BICDL1: variants seen among roughly 807,000 people sequenced by gnomAD.
The protein encoded by BICDL1 is BICD family-like cargo adapter 1.
In BICDL1, 20 loss-of-function variants were observed where a neutral mutation model predicts 76.8. The ratio of observed to expected loss-of-function variants is 0.26; its 90% CI spans 0.18 to 0.38. The LOEUF (loss-of-function observed/expected upper bound fraction) is 0.38, where lower values mean the gene tolerates loss of function less well. BICDL1 is among the 10% of genes least tolerant of loss of function. BICDL1 has a pLI of 1.00. For synonymous variants in BICDL1, 383 were observed against 337.1 expected (o/e 1.14, Z -1.49); for missense variants, 700 against 798.6 (o/e 0.88, Z 1.49).
In BICDL1 at chr12:120,078,565, G is replaced by A. The variant is rs148179013; in HGVS notation, c.1453-2322G>A. Among the ~76,000 whole-genome samples, 848 of 152,294 alleles carry A rather than the reference G, an allele frequency of 5.6e-3. 3 individuals are homozygous for A. Among genetic ancestry groups the A allele is most frequent in the Non-Finnish European group, 8.8e-3 (596 of 68,018 alleles). ...AGTAGAGCTTACAACCACATGCATT[G>A]AGCCCTTGATATCATTTATCTCGTA... On this transcript the variant is annotated intron_variant, in intron 7 of 9. Coordinates refer to ENST00000548673, the MANE Select transcript of BICDL1 (RefSeq NM_001367886.1).
In BICDL1 at chr12:120,071,894, G is replaced by T. The variant is rs1375301480; in HGVS notation, c.1089+93G>T. On this transcript the variant is annotated intron_variant, in intron 5 of 9. Coordinates refer to ENST00000548673, the MANE Select transcript of BICDL1 (RefSeq NM_001367886.1). This position sits in a 1 kb window ranked among gnomAD's most constrained non-coding sequence, Gnocchi z 4.8. ...AGTGCTCAGCTGCCATCCTGGCAAG[G>T]CTGTGCCCCTGTGCCTGTGTCAGCC... 19 of 1,431,504 alleles carry T rather than the reference G, an allele frequency of 1.3e-5. No individual in the cohort carries two copies. The highest frequency in any genetic ancestry group is 1.7e-5 in the Non-Finnish European group (19 of 1,093,766). 88.7% of individuals were successfully genotyped at this position (1,431,504 alleles called of 1,614,324 possible).
rs1299205430 is a variant in BICDL1 at position 119,989,298 on chromosome 12, A to C, written c.-571A>C. On this transcript the variant is annotated 5_prime_UTR_variant, in exon 1 of 10. Coordinates refer to ENST00000548673, the MANE Select transcript of BICDL1 (RefSeq NM_001367886.1). ...GAGCCGCCGCCTCGGCCCCTGCAGCAGCAGCAGCCGCCGTCGCCGCCGCTG... is the reference window on the plus strand; with the variant it reads ...GAGCCGCCGCCTCGGCCCCTGCAGCCGCAGCAGCCGCCGTCGCCGCCGCTG... 6.6e-6 allele frequency among the ~76,000 whole-genome samples: 1 copy of C among 150,410 alleles called. No individual in the cohort carries two copies. The highest frequency in any genetic ancestry group is 1.5e-5 in the Non-Finnish European group (1 of 67,354).
At chr12:120,074,006 G>C (rs1873321220) in intron 6 of BICDL1, among the ~76,000 whole-genome samples, 1 of 152,102 alleles carries the variant, frequency 6.6e-6, no homozygotes, top group African/African-American at 2.4e-5. Flanking sequence ...TGCAACCTCT[G>C]CCTCCCGGGT....
At chr12:120,004,375 T>C (rs1165341844) in intron 2 of BICDL1, among the ~76,000 whole-genome samples, 1 of 152,084 alleles carries the variant, frequency 6.6e-6, no homozygotes, top group Non-Finnish European at 1.5e-5. Context: ...AGAAGCTGTT[T>C]TGGGAGCATT....
chr12:120,064,696 A>G, intron 3 of BICDL1, 37 bp from the exon 4 acceptor site: 1 of 1,568,902 alleles, frequency 6.4e-7, no homozygotes, highest in Non-Finnish European at 8.6e-7. Context: ...GCCCGGGTGT[A>G]ACTCCACACC....
intron 8 of BICDL1, among the ~76,000 whole-genome samples, chr12:120,087,314 G>GCAA (rs1362660948): frequency 6.6e-6 from 1 of 152,214 alleles, no homozygotes; most frequent in African/African-American, 2.4e-5. Flanking sequence ...GCTGTCTGGA[G>GCAA]CGGTTTCTCT....
chr12:120,093,216 G>C lies in BICDL1; in HGVS notation c.*55G>C. 6.5e-7 allele frequency: 1 copy of C among 1,543,036 alleles called. No homozygotes were observed. Among genetic ancestry groups the C allele is most frequent in the South Asian group, 1.2e-5 (1 of 83,668 alleles). On this transcript the variant is annotated 3_prime_UTR_variant, in exon 10 of 10. Transcript: ENST00000548673. Reference sequence around the variant, plus strand: ...GTGGACTGGAGGCAGCTGGAAAGGCGGTGCAGGCAAGGCCTCCCCTGCAGC... The same window carrying C: ...GTGGACTGGAGGCAGCTGGAAAGGCCGTGCAGGCAAGGCCTCCCCTGCAGC...
At chr12:120,080,119 G>C (rs900599461) in intron 7 of BICDL1, among the ~76,000 whole-genome samples, 1 of 152,250 alleles carries the variant, frequency 6.6e-6, no homozygotes, top group African/African-American at 2.4e-5. Context: ...AGATGGATGT[G>C]ACATGCTTCC....
chr12:120,029,746 G>A lies in BICDL1; in HGVS notation c.645+31010G>A, dbSNP rs540351976. 4.2e-4 allele frequency among the ~76,000 whole-genome samples: 62 copies of A among 146,752 alleles called. 2 individuals carry two copies. In the South Asian group the frequency reaches 0.014, roughly 32 times the overall value. On this transcript the variant is annotated intron_variant, in intron 2 of 9. Transcript: ENST00000548673. ...CGCGATCTCACTGCAGCCTCCACCC[G>A]CCGGTTCAAGTAATTATCCTGCCTC...
Position 120,079,367 on chromosome 12 carries a change from C to A in BICDL1, c.1453-1520C>A, listed in dbSNP as rs921215763. On this transcript the variant is annotated intron_variant, in intron 7 of 9. Coordinates refer to ENST00000548673, the MANE Select transcript of BICDL1 (RefSeq NM_001367886.1). The surrounding 1 kb of genome is among the most constrained non-coding windows in gnomAD (Gnocchi z 4.3). ...AGATCAAGGGAAGCTTGATCTTCAG[C>A]CTTACACCTGGGGCCTTTGCTCAGT... 1.3e-5 allele frequency among the ~76,000 whole-genome samples: 2 copies of A among 152,162 alleles called. No homozygotes were observed. Among genetic ancestry groups the A allele is most frequent in the African/African-American group, 4.8e-5 (2 of 41,426 alleles).
intron 2 of BICDL1, chr12:119,999,648 A>G (rs1166108163): frequency 7.0e-6 from 2 of 287,586 alleles, no homozygotes; most frequent in East Asian, 9.9e-5. Context: ...AATCATTTCA[A>G]GGAAGGAGGT....
At chr12:120,054,036 C>CA (rs1193805455) in intron 2 of BICDL1, among the ~76,000 whole-genome samples, 4 of 151,008 alleles carry the variant, frequency 2.6e-5, no homozygotes, top group Non-Finnish European at 5.9e-5. Flanking sequence ...ATAAGCCAGG[C>CA]ATGGTGGTGG....
chr12:120,031,089 A>G (rs1826099402), intron 2 of BICDL1, among the ~76,000 whole-genome samples: 1 of 152,168 alleles, frequency 6.6e-6, no homozygotes. Flanking sequence ...TTTTTCCCCA[A>G]CACTTTATTA....
chr12:120,083,096 C>G (rs192700877), intron 8 of BICDL1, among the ~76,000 whole-genome samples: 8 of 152,172 alleles, frequency 5.3e-5, no homozygotes, highest in African/African-American at 1.9e-4. Context: ...CTCCTGGCCT[C>G]AAGTGATCTG....
At chr12:120,050,299 C>T (rs1465534108) in intron 2 of BICDL1, among the ~76,000 whole-genome samples, 1 of 149,754 alleles carries the variant, frequency 6.7e-6, no homozygotes, top group Non-Finnish European at 1.5e-5. Context: ...TGGAGTCTCA[C>T]TCTGTCGCCC....
At chr12:120,001,553 G>A (rs1269364955) in intron 2 of BICDL1, among the ~76,000 whole-genome samples, 3 of 152,158 alleles carry the variant, frequency 2.0e-5, no homozygotes, top group Admixed American at 1.3e-4. Flanking sequence ...GCCAAAGGCC[G>A]TACTTTTCTT....
At chr12:120,047,459 A>G (rs562876941) in intron 2 of BICDL1, among the ~76,000 whole-genome samples, 3 of 152,298 alleles carry the variant, frequency 2.0e-5, no homozygotes, top group African/African-American at 7.2e-5. Context: ...CCATGCCTCA[A>G]TTTCATCACC....
chr12:120,012,448 C>G (rs1951973117), intron 2 of BICDL1, among the ~76,000 whole-genome samples: 1 of 152,100 alleles, frequency 6.6e-6, no homozygotes, highest in South Asian at 2.1e-4. Context: ...GTAAGAATTC[C>G]CCCTATACAC....
In BICDL1 at chr12:119,990,061, G is replaced by A. The variant is rs771297213; in HGVS notation, c.193G>A (p.Ala65Thr). The change falls in exon 1 of 10, where the codon GCC (alanine) becomes ACC (threonine). Residue 65 changes from alanine to threonine, a missense_variant. Ala to Thr is a moderately conservative substitution (Grantham distance 58). This residue lies in a region of BICDL1 where 225 missense variants were observed against 199.6 expected (regional missense o/e 1.13). Transcript: ENST00000548673. ...ALEEELALLAAGERPSDPGEH... is the reference protein window; with the variant it reads ...ALEEELALLATGERPSDPGEH... ...AGAGGAGGAGCTGGCGCTGCTGGCG[G>A]CCGGGGAGCGGCCGTCCGACCCCGG... is the stretch of plus-strand genomic sequence containing the variant. 5.9e-6 allele frequency: 9 copies of A among 1,535,130 alleles called. No homozygotes were observed. Among genetic ancestry groups the A allele is most frequent in the Non-Finnish European group, 7.9e-6 (9 of 1,143,052 alleles).
Sources: gnomAD v4.1 joint callset for allele counts (sites outside exome capture counted in the v4.1 genomes callset) on GRCh38, gnomAD v4.1.1 for gene constraint, gnomAD v4.1.1 regional missense constraint, Gnocchi (gnomAD v3.1) non-coding constraint, MANE v1.5 for transcripts, NCBI Gene and HGNC (gene_info 2026-07-23, HGNC 2026-07-21) for gene names.